Variants in CDKAL1 observed in about 807,000 individuals in gnomAD.
The protein encoded by CDKAL1 is threonylcarbamoyladenosine tRNA methylthiotransferase.
In CDKAL1, 32 loss-of-function variants were observed where a neutral mutation model predicts 68.2. The ratio of observed to expected loss-of-function variants is 0.47; its 90% CI spans 0.35 to 0.63. The LOEUF (loss-of-function observed/expected upper bound fraction) is 0.63, where lower values mean the gene tolerates loss of function less well. CDKAL1 is among the 30% of genes least tolerant of loss of function. The probability of loss-of-function intolerance (pLI) is 0.00; values close to 1 mark genes in which losing one functional copy is unlikely to be tolerated. For synonymous variants in CDKAL1, 234 were observed against 244.3 expected (o/e 0.96, Z 0.39); for missense variants, 606 against 696.7 (o/e 0.87, Z 1.47).
intron 11 of CDKAL1, among the ~76,000 whole-genome samples, chr6:21,042,703 G>A (rs1012091079): frequency 6.6e-6 from 1 of 151,890 alleles, no homozygotes; most frequent in Non-Finnish European, 1.5e-5. Flanking sequence ...CTGTTTCATC[G>A]ATCTCATTCT....
In CDKAL1 at chr6:20,739,508, CA is replaced by C. The variant is rs1187815309; in HGVS notation, c.372-9del. ...AAAGGAATTCACATTGTCTTCTCTT[CA>C]ATCTTTTAGAAAAGCTCAAGAGGAG... On this transcript the variant is annotated splice_polypyrimidine_tract_variant and intron_variant, in intron 5 of 15. Transcript: ENST00000274695. The C allele has an allele frequency of 6.4e-7, 1 of 1,572,010 alleles. No homozygotes were observed. Among genetic ancestry groups the C allele is most frequent in the African/African-American group, 1.4e-5 (1 of 73,924 alleles).
At chr6:20,780,209 T>A (rs1455664368) in intron 7 of CDKAL1, among the ~76,000 whole-genome samples, 1 of 152,158 alleles carries the variant, frequency 6.6e-6, no homozygotes, top group Admixed American at 6.5e-5. Flanking sequence ...ATGGGATTTT[T>A]TTGTATTGTA....
intron 13 of CDKAL1, among the ~76,000 whole-genome samples, chr6:21,112,164 G>T (rs552857248): frequency 2.6e-5 from 4 of 151,876 alleles, no homozygotes; most frequent in Non-Finnish European, 2.9e-5. Flanking sequence ...TGTGCTGTTT[G>T]TCCTTGGCCT....
chr6:20,759,006 G>T (rs1339228932), intron 7 of CDKAL1, among the ~76,000 whole-genome samples: 1 of 152,058 alleles, frequency 6.6e-6, no homozygotes, highest in Non-Finnish European at 1.5e-5. Flanking sequence ...TGATGCTGTG[G>T]TGTGCACCTG....
intron 5 of CDKAL1, among the ~76,000 whole-genome samples, chr6:20,716,275 G>A (rs890106242): frequency 2.6e-5 from 4 of 152,124 alleles, no homozygotes; most frequent in Non-Finnish European, 5.9e-5. Flanking sequence ...GGAGTGATGA[G>A]GTCAAATGGG....
chr6:20,865,687 G>T (rs1435677763), intron 9 of CDKAL1, among the ~76,000 whole-genome samples: 1 of 151,614 alleles, frequency 6.6e-6, no homozygotes, highest in Non-Finnish European at 1.5e-5. Flanking sequence ...TAAAATAAAA[G>T]AAAAATCTGC....
intron 2 of CDKAL1, among the ~76,000 whole-genome samples, chr6:20,544,369 G>A (rs1337637144): frequency 1.3e-5 from 2 of 151,314 alleles, no homozygotes; most frequent in East Asian, 2.0e-4. Context: ...AGGCCGAGAC[G>A]GGCGGATCGC....
chr6:21,160,696 T>G (rs1776887854), intron 13 of CDKAL1, among the ~76,000 whole-genome samples: 1 of 144,882 alleles, frequency 6.9e-6, no homozygotes, highest in Non-Finnish European at 1.5e-5. Flanking sequence ...CAAAAATATA[T>G]ATATATGTAT....
chr6:21,092,717 G>A (rs1773105627), intron 12 of CDKAL1, among the ~76,000 whole-genome samples: 1 of 147,028 alleles, frequency 6.8e-6, no homozygotes, highest in Non-Finnish European at 1.5e-5. Flanking sequence ...ACAGGACTGG[G>A]CAGGAAGACG....
At chr6:21,222,801 T>C (rs1779584250) in intron 15 of CDKAL1, among the ~76,000 whole-genome samples, 1 of 152,164 alleles carries the variant, frequency 6.6e-6, no homozygotes, top group Non-Finnish European at 1.5e-5. Context: ...AGAACTCATT[T>C]GGAAGCTGCA....
In CDKAL1 at chr6:20,594,869, G is replaced by A. The variant is rs112971564; in HGVS notation, c.286+46164G>A. 3.3e-4 allele frequency among the ~76,000 whole-genome samples: 51 copies of A among 152,262 alleles called. 3 individuals are homozygous for A. The highest frequency in any genetic ancestry group is 1.2e-3 in the African/African-American group (48 of 41,560). On this transcript the variant is annotated intron_variant, in intron 4 of 15. Coordinates refer to ENST00000274695, the MANE Select transcript of CDKAL1 (RefSeq NM_017774.3). ...TTCATTCAGGAACTCTAGTAAGGCAGGCCTGGAATCTCTCAGCATTTGCTT... is the reference window on the plus strand; with the variant it reads ...TTCATTCAGGAACTCTAGTAAGGCAAGCCTGGAATCTCTCAGCATTTGCTT...
chr6:20,559,862 T>TG (rs1764200369), intron 4 of CDKAL1, among the ~76,000 whole-genome samples: 1 of 152,358 alleles, frequency 6.6e-6, no homozygotes, highest in East Asian at 1.9e-4. Context: ...GAAATATTTT[T>TG]GGGATAATTT....
chr6:21,152,431 AG>A (rs1776453162), intron 13 of CDKAL1, among the ~76,000 whole-genome samples: 8 of 152,358 alleles, frequency 5.3e-5, no homozygotes, highest in Admixed American at 5.2e-4. Context: ...TATACTCTTG[AG>A]TAAGATGAAG....
intron 7 of CDKAL1, among the ~76,000 whole-genome samples, chr6:20,761,402 C>T (rs1774457840): frequency 6.6e-6 from 1 of 152,182 alleles, no homozygotes; most frequent in Admixed American, 6.5e-5. Flanking sequence ...TTACATCATC[C>T]AGCAGGTGTG....
intron 4 of CDKAL1, among the ~76,000 whole-genome samples, chr6:20,647,635 C>T (rs1200809204): frequency 1.3e-5 from 2 of 152,072 alleles, no homozygotes; most frequent in Non-Finnish European, 2.9e-5. Context: ...AGAAAGAGTA[C>T]TAGGATCAGA....
At chr6:20,572,849 AT>A (rs1764759685) in intron 4 of CDKAL1, among the ~76,000 whole-genome samples, 1 of 152,118 alleles carries the variant, frequency 6.6e-6, no homozygotes, top group Non-Finnish European at 1.5e-5. Context: ...ATGATCACCA[AT>A]TTTTGAAAGT....
chr6:20,835,836 C>G (rs961153648), intron 8 of CDKAL1, among the ~76,000 whole-genome samples: 7 of 152,120 alleles, frequency 4.6e-5, no homozygotes, highest in Admixed American at 1.3e-4. Context: ...AGGCATGAGT[C>G]ACTGCGCCTG....
chr6:20,789,732 C>T (rs1775819318), intron 8 of CDKAL1, among the ~76,000 whole-genome samples: 1 of 152,208 alleles, frequency 6.6e-6, no homozygotes, highest in East Asian at 1.9e-4. Context: ...TTAGGCAAAC[C>T]ATTAAAGCAA....
At chr6:21,083,526 C>T (rs1049897965) in intron 12 of CDKAL1, among the ~76,000 whole-genome samples, 9 of 152,120 alleles carry the variant, frequency 5.9e-5, no homozygotes, top group African/African-American at 2.2e-4. Flanking sequence ...TGTCCCTTTA[C>T]CCCCTTAATA....
Sources: gnomAD v4.1 joint callset for allele counts (sites outside exome capture counted in the v4.1 genomes callset) on GRCh38, gnomAD v4.1.1 for gene constraint, MANE v1.5 for transcripts, NCBI Gene and HGNC (gene_info 2026-07-23, HGNC 2026-07-21) for gene names.